DYNAP: variants seen among roughly 807,000 people sequenced by gnomAD.
The protein encoded by DYNAP is dynactin-associated protein.
In DYNAP, 7 loss-of-function variants were observed where a neutral mutation model predicts 8.5. The observed-to-expected ratio is 0.82, with a 90% CI of 0.47 to 1.54. DYNAP has a LOEUF of 1.54. Among genes scored for constraint, DYNAP ranks in the 40% most tolerant of loss-of-function variants. The probability of loss-of-function intolerance (pLI) is 0.01; values close to 1 mark genes in which losing one functional copy is unlikely to be tolerated. For missense variants in DYNAP, 256 were observed against 224.3 expected, an observed-to-expected ratio of 1.14 and a Z score of -0.90; for synonymous variants, 77 against 77.9, an observed-to-expected ratio of 0.99 and a Z score of 0.06.
chr18:54,580,859 G>A, the DYNAP span, among the ~76,000 whole-genome samples: 1 of 151,886 alleles, frequency 6.6e-6, no homozygotes, highest in Non-Finnish European at 1.5e-5. Context: ...TATTAGAATT[G>A]TTATTTTATT....
chr18:54,576,092 G>C, the DYNAP span, among the ~76,000 whole-genome samples: 1 of 152,162 alleles, frequency 6.6e-6, no homozygotes, highest in Admixed American at 6.5e-5. Flanking sequence ...AATTATATAT[G>C]TGTGTCCCTG....
At chr18:54,580,386 T>A in the DYNAP span, among the ~76,000 whole-genome samples, 1 of 152,242 alleles carries the variant, frequency 6.6e-6, no homozygotes, top group African/African-American at 2.4e-5. Context: ...GCTATCACGA[T>A]GTCTACTGAA....
intron 2 of DYNAP, among the ~76,000 whole-genome samples, chr18:54,596,137 A>G (rs1170606427): frequency 6.6e-6 from 1 of 151,878 alleles, no homozygotes; most frequent in African/African-American, 2.4e-5. Flanking sequence ...CAGTGGCACA[A>G]TCATGTCTCA....
chr18:54,576,077 T>C, the DYNAP span, among the ~76,000 whole-genome samples: 1 of 152,230 alleles, frequency 6.6e-6, no homozygotes. Context: ...TAATAGCTGA[T>C]TTTTAATTAT....
At chr18:54,594,454 G>C (rs1054952566) in intron 1 of DYNAP, among the ~76,000 whole-genome samples, 1 of 152,108 alleles carries the variant, frequency 6.6e-6, no homozygotes, top group African/African-American at 2.4e-5. Flanking sequence ...ACTATTCCTA[G>C]TATAGTGTAG....
intron 1 of DYNAP, 127 bp from the exon 2 acceptor site, chr18:54,594,812 G>A: frequency 6.0e-6 from 6 of 1,008,072 alleles, no homozygotes; most frequent in Non-Finnish European, 8.3e-6. Context: ...TATCTTCAGG[G>A]GATAAGAAAA....
At chr18:54,586,486 C>G (rs927374493), upstream of DYNAP, among the ~76,000 whole-genome samples, 3 of 152,164 alleles carry the variant, frequency 2.0e-5, no homozygotes, top group African/African-American at 7.2e-5. Context: ...GGTGGCAGCA[C>G]CACCCTGGCC....
chr18:54,586,247 C>T (rs1910873623), upstream of DYNAP, among the ~76,000 whole-genome samples: 1 of 152,110 alleles, frequency 6.6e-6, no homozygotes, highest in African/African-American at 2.4e-5. Context: ...ATGGATAAAC[C>T]TCAGCTCCAA....
chr18:54,587,240 C>A (rs1269952651), upstream of DYNAP, among the ~76,000 whole-genome samples: 3 of 152,116 alleles, frequency 2.0e-5, no homozygotes, highest in African/African-American at 7.2e-5. Flanking sequence ...AGGGACGTAA[C>A]TGTCTTTAAA....
intron 2 of DYNAP, among the ~76,000 whole-genome samples, chr18:54,595,617 C>T (rs929474731): frequency 6.6e-6 from 1 of 152,106 alleles, no homozygotes; most frequent in East Asian, 1.9e-4. Context: ...ACACAGAAAC[C>T]TTACTGTTCT....
rs201631044 is a variant in DYNAP, at chr18:54,595,044, G to T, written c.163G>T (p.Val55Leu). The change falls in exon 2 of 3, where the codon GTG becomes TTG. Residue 55 changes from valine (V) to leucine (L), a missense_variant. Val to Leu is a conservative substitution (Grantham distance 32, BLOSUM62 1). Transcript: ENST00000648945. ...CTCTCCCAACTTAACTGGGGTCTGC[G>T]TGAACCCAGGAATCCTTGCACATTC... ...DVSPNLTGVC[V>L]NPGILAHSRC... The T allele has an allele frequency of 6.2e-7, 1 of 1,612,762 alleles. No individual in the cohort carries two copies. Among genetic ancestry groups the T allele is most frequent in the Non-Finnish European group, 8.5e-7 (1 of 1,179,126 alleles).
At chr18:54,576,840 C>A in the DYNAP span, among the ~76,000 whole-genome samples, 16 of 133,976 alleles carry the variant, frequency 1.2e-4, no homozygotes, top group Non-Finnish European at 1.7e-4. Flanking sequence ...AACAACAACA[C>A]CAAAAAAACC....
Position 54,598,946 on chromosome 18 carries a change from T to C in DYNAP, c.*801T>C, listed in dbSNP as rs1911425835. On this transcript the variant is annotated 3_prime_UTR_variant, in exon 3 of 3. Transcript: ENST00000648945. ...CAATCCTTTATCTTAACCTGAACAT[T>C]CCTTTCCATGGATCTCAGGTCTTCA... 1 of 152,126 alleles carries C rather than the reference T, an allele frequency of 6.6e-6. No individual in the cohort carries two copies. Among genetic ancestry groups the C allele is most frequent in the South Asian group, 2.1e-4 (1 of 4,824 alleles). 9.4% of individuals were successfully genotyped at this position (152,126 alleles called of 1,614,324 possible).
chr18:54,582,571 A>C, the DYNAP span, among the ~76,000 whole-genome samples: 1 of 152,210 alleles, frequency 6.6e-6, no homozygotes, highest in Non-Finnish European at 1.5e-5. Flanking sequence ...ATAATTAGCC[A>C]ATCAGTCTAT....
chr18:54,595,092 T>C lies in DYNAP; in HGVS notation c.211T>C (p.Cys71Arg), dbSNP rs756417442. The C allele has an allele frequency of 1.2e-6, 2 of 1,611,558 alleles. No homozygotes were observed. Among genetic ancestry groups the C allele is most frequent in the Non-Finnish European group, 8.5e-7 (1 of 1,178,482 alleles). The change falls in exon 2 of 3, where the codon TGT becomes CGT. Residue 71 changes from cysteine to arginine, a missense_variant. By Grantham distance (180) the Cys-to-Arg change is radical. Transcript: ENST00000648945. Reference sequence around the variant, plus strand: ...TTCAAGATGTCTACAGTCAGAATCCTGTAACACACAGGTAATGTGTAGCAC... The same window carrying C: ...TTCAAGATGTCTACAGTCAGAATCCCGTAACACACAGGTAATGTGTAGCAC... ...AHSRCLQSES[C>R]NTQVKEYCRN...
the DYNAP span, among the ~76,000 whole-genome samples, chr18:54,580,757 G>A: frequency 4.6e-5 from 7 of 152,156 alleles, no homozygotes; most frequent in African/African-American, 1.7e-4. Context: ...TGAAGCAATG[G>A]CCAACAATAA....
chr18:54,593,711 GC>G (rs113703485), intron 1 of DYNAP, among the ~76,000 whole-genome samples: 3,976 of 152,178 alleles, frequency 0.026, 129 homozygotes, highest in African/African-American at 0.084. Flanking sequence ...GAGTGCTTGA[GC>G]CCAGGAGATC....
Position 54,592,372 on chromosome 18 carries a change from T to G in DYNAP, c.57+1033T>G, listed in dbSNP as rs543860368. 1.1e-3 allele frequency among the ~76,000 whole-genome samples: 163 copies of G among 150,258 alleles called. 1 individual carries two copies. Among genetic ancestry groups the G allele is most frequent in the African/African-American group, 3.9e-3 (158 of 40,344 alleles). ...TGTTTACAAATATTAGCTTATATTG[T>G]TTTTTTTTACAGCATATATCTGGAT... On this transcript the variant is annotated intron_variant, in intron 1 of 2. Transcript: ENST00000648945.
intron 1 of DYNAP, among the ~76,000 whole-genome samples, 170 bp from the exon 2 acceptor site, chr18:54,594,769 A>G (rs946159343): frequency 2.0e-5 from 3 of 152,172 alleles, no homozygotes; most frequent in Non-Finnish European, 4.4e-5. Context: ...AATTAGTTAA[A>G]GTATAATATA....
Sources: gnomAD v4.1 joint callset for allele counts (sites outside exome capture counted in the v4.1 genomes callset) on GRCh38, gnomAD v4.1.1 for gene constraint, MANE v1.5 for transcripts, NCBI Gene and HGNC (gene_info 2026-07-23, HGNC 2026-07-21) for gene names.